OTUD4: variants seen among roughly 807,000 people sequenced by gnomAD.
OTUD4 encodes the protein OTU domain-containing protein 4.
Under a neutral mutation model 130.4 loss-of-function variants are expected in OTUD4, and 24 were observed. The observed-to-expected ratio is 0.18, with a 90% CI of 0.13 to 0.26. The LOEUF (loss-of-function observed/expected upper bound fraction) is 0.26. OTUD4 is among the 10% of genes least tolerant of loss of function. The pLI, the probability that OTUD4 is intolerant of heterozygous loss-of-function variation, is 1.00. For missense variants in OTUD4, 1,031 were observed against 1,329.4 expected, an observed-to-expected ratio of 0.78 and a Z score of 3.49; for synonymous variants, 420 against 472.5, an observed-to-expected ratio of 0.89 and a Z score of 1.44.
chr4:145,164,304 A>G, intron 4 of OTUD4, 78 bp from the exon 5 acceptor site: 1 of 687,492 alleles, frequency 1.5e-6, no homozygotes, highest in Non-Finnish European at 2.5e-6. Context: ...TCATTCATCA[A>G]GGGCCTAATA....
chr4:145,160,722 A>G (rs2126781609), intron 6 of OTUD4, among the ~76,000 whole-genome samples: 1 of 152,340 alleles, frequency 6.6e-6, no homozygotes, highest in Admixed American at 6.5e-5. Context: ...CCGAGGCAGC[A>G]GAATCGCTTG....
rs146769445 is a variant in OTUD4 at position 145,154,607 on chromosome 4, C to T, written c.873+804G>A. Among the ~76,000 whole-genome samples the T allele has an allele frequency of 3.3e-5, 5 of 152,022 alleles. No individual in the cohort carries two copies. In the East Asian group the frequency reaches 9.7e-4, roughly 29 times the overall value. On this transcript the variant is annotated intron_variant, in intron 10 of 20. Coordinates refer to ENST00000447906, the MANE Select transcript of OTUD4 (RefSeq NM_001366057.1). The stretch of plus-strand genomic sequence containing the variant: ...GCAGTATTTTTCCACAAATGAAGAA[C>T]AAAAAACAAGAAAAGAGACCTTGTA...
chr4:145,148,287 G>C (rs537645434), intron 13 of OTUD4, among the ~76,000 whole-genome samples: 26 of 152,292 alleles, frequency 1.7e-4, no homozygotes, highest in African/African-American at 6.3e-4. Flanking sequence ...ATCACCTAAG[G>C]TCAGGAGTTC....
At chr4:145,141,315 T>C (rs779770648) in intron 19 of OTUD4, 64 bp downstream of exon 19, 3 of 1,441,796 alleles carry the variant, frequency 2.1e-6, no homozygotes, top group Non-Finnish European at 2.8e-6. Context: ...TTACATCTCT[T>C]CATTTCTTAA....
intron 7 of OTUD4, among the ~76,000 whole-genome samples, chr4:145,157,488 A>T (rs1053016694): frequency 6.6e-6 from 1 of 152,104 alleles, no homozygotes; most frequent in Non-Finnish European, 1.5e-5. Flanking sequence ...CAGGAGTTCG[A>T]GACCAGCCTG....
intron 7 of OTUD4, among the ~76,000 whole-genome samples, chr4:145,156,390 A>C (rs1751290860): frequency 6.6e-6 from 1 of 152,238 alleles, no homozygotes; most frequent in Non-Finnish European, 1.5e-5. Flanking sequence ...TTTATTAAAA[A>C]TACTCTACAT....
chr4:145,164,017 T>C (rs1751723612), intron 5 of OTUD4, 137 bp downstream of exon 5: 2 of 536,746 alleles, frequency 3.7e-6, no homozygotes, highest in South Asian at 2.0e-5. Context: ...TATAGGAACT[T>C]TTAAGAAATC....
intron 11 of OTUD4, among the ~76,000 whole-genome samples, chr4:145,152,207 A>AG (rs2126763978): frequency 6.6e-6 from 1 of 152,042 alleles, no homozygotes; most frequent in Admixed American, 6.5e-5. Context: ...TGCCTCCCTG[A>AG]TTCAAGCGAT....
intron 2 of OTUD4, among the ~76,000 whole-genome samples, chr4:145,174,437 T>C (rs1752326558): frequency 1.3e-5 from 2 of 152,192 alleles, no homozygotes; most frequent in Non-Finnish European, 2.9e-5. Flanking sequence ...TTATCCATCA[T>C]AGTAGCTTTC....
Position 145,146,321 on chromosome 4 carries a change from G to A in OTUD4, c.1368C>T (p.Ser456=), listed in dbSNP as rs377030785. ...TGTTCTGAATCTCATAGAGTAAACG[G>A]GATTCTTCTATAGCTTGCTTCTCTC... The part of the protein sequence containing the change: ...ERREKQAIEE[S]RLLYEIQNRD... Residue 456 remains serine (S), a synonymous_variant, in exon 14 of 21, where the codon TCC becomes TCT. Transcript: ENST00000447906. 1 of 1,594,378 alleles carries A rather than the reference G, an allele frequency of 6.3e-7. No individual in the cohort carries two copies. The highest frequency in any genetic ancestry group is 8.5e-7 in the Non-Finnish European group (1 of 1,172,784).
intron 9 of OTUD4, 21 bp from the exon 10 acceptor site, chr4:145,155,496 A>G (rs1346386986): frequency 1.9e-6 from 3 of 1,601,570 alleles, no homozygotes; most frequent in Admixed American, 3.4e-5. Flanking sequence ...AAAAAAGGTC[A>G]GTATAATATA....
intron 3 of OTUD4, among the ~76,000 whole-genome samples, chr4:145,169,497 T>C (rs1752046428): frequency 6.6e-6 from 1 of 152,180 alleles, no homozygotes; most frequent in African/African-American, 2.4e-5. Context: ...TATTTATTTA[T>C]TTTTTGAGAT....
At position 145,155,922 on chromosome 4, in the gene OTUD4, T is replaced by C; in HGVS notation, c.690+14A>G. On this transcript the variant is annotated intron_variant, in intron 8 of 20. Coordinates refer to ENST00000447906, the MANE Select transcript of OTUD4 (RefSeq NM_001366057.1). ...TTAAAGAACTACATTTAAAACCACT[T>C]TTAAAAAAAATACCTCATTGCCTGA... is the stretch of plus-strand genomic sequence containing the variant. 6.3e-7 allele frequency: 1 copy of C among 1,596,198 alleles called. No individual in the cohort carries two copies. The highest frequency in any genetic ancestry group is 8.5e-7 in the Non-Finnish European group (1 of 1,171,798).
intron 3 of OTUD4, chr4:145,170,863 A>C (rs1478442890): frequency 6.6e-6 from 1 of 152,232 alleles, no homozygotes; most frequent in East Asian, 1.9e-4. Flanking sequence ...TTAGTTTTGT[A>C]AACAGAAAAA....
chr4:145,140,606 G>GA (rs1050046118), intron 19 of OTUD4, among the ~76,000 whole-genome samples: 28 of 152,172 alleles, frequency 1.8e-4, no homozygotes, highest in Middle Eastern at 6.8e-3. Context: ...AGCAAACTTT[G>GA]AAAGAATTTT....
At position 145,179,994 on chromosome 4, in the gene OTUD4, C is replaced by T. The variant is rs1158860933; in HGVS notation, c.-21G>A. ...TCCATGTTGCTGGTCCTGCTGCAGGCCAGGCGCGGCGAGGGCTAGCCCCAC... is the reference window on the plus strand; with the variant it reads ...TCCATGTTGCTGGTCCTGCTGCAGGTCAGGCGCGGCGAGGGCTAGCCCCAC... On this transcript the variant is annotated 5_prime_UTR_variant, in exon 1 of 21. Transcript: ENST00000447906. 2.7e-6 allele frequency: 4 copies of T among 1,472,982 alleles called. No individual in the cohort carries two copies. The highest frequency in any genetic ancestry group is 3.6e-6 in the Non-Finnish European group (4 of 1,122,722). The allele number at this position is 1,472,982 out of a possible 1,614,324, so 91.2% of individuals were successfully genotyped here.
chr4:145,150,943 C>G (rs1751039069), intron 11 of OTUD4, 38 bp from the exon 12 acceptor site: 17 of 1,290,580 alleles, frequency 1.3e-5, no homozygotes, highest in Non-Finnish European at 1.9e-5. Flanking sequence ...CTTAAAATAC[C>G]CTAGTAAGAA....
chr4:145,155,311 A>C (rs1047257399), intron 10 of OTUD4, 100 bp downstream of exon 10: 2 of 900,028 alleles, frequency 2.2e-6, no homozygotes, highest in African/African-American at 3.4e-5. Context: ...CTGAAATCCC[A>C]AATTAACAAC....
At chr4:145,162,153 G>A (rs1751604006) in intron 6 of OTUD4, among the ~76,000 whole-genome samples, 1 of 151,944 alleles carries the variant, frequency 6.6e-6, no homozygotes, top group African/African-American at 2.4e-5. Flanking sequence ...TCCTCCTACT[G>A]CAACAAGTTT....
Sources: gnomAD v4.1 joint callset for allele counts (sites outside exome capture counted in the v4.1 genomes callset) on GRCh38, gnomAD v4.1.1 for gene constraint, MANE v1.5 for transcripts, NCBI Gene and HGNC (gene_info 2026-07-23, HGNC 2026-07-21) for gene names.